SOX5: variants seen among roughly 807,000 people sequenced by gnomAD.
SOX5 encodes the protein SRY-box transcription factor 5, also known as transcription factor SOX-5.
Under a neutral mutation model 92.0 loss-of-function variants are expected in SOX5, and 9 were observed. The observed-to-expected ratio is 0.10, with a 90% CI of 0.06 to 0.17. SOX5 has a LOEUF of 0.17. Ranked by LOEUF, SOX5 falls within the 10% of genes least tolerant of loss-of-function variation. The probability of loss-of-function intolerance (pLI) is 1.00; values close to 1 mark genes in which losing one functional copy is unlikely to be tolerated. For missense variants in SOX5, 642 were observed against 944.5 expected (o/e 0.68, Z 4.20); for synonymous variants, 344 against 336.3 (o/e 1.02, Z -0.25).
chr12:23,712,690 A>G (rs1411637919), intron 6 of SOX5, among the ~76,000 whole-genome samples: 2 of 152,226 alleles, frequency 1.3e-5, no homozygotes, highest in Non-Finnish European at 2.9e-5. Context: ...GCTATAGACT[A>G]TATCATTCAA....
chr12:23,779,182 C>T (rs912403642), intron 3 of SOX5, among the ~76,000 whole-genome samples: 85 of 152,168 alleles, frequency 5.6e-4, no homozygotes, highest in African/African-American at 2.0e-3. Context: ...TTTAGCAATA[C>T]TCACCTAATG....
chr12:23,684,442 C>G (rs1042546682), intron 6 of SOX5, among the ~76,000 whole-genome samples: 4 of 152,006 alleles, frequency 2.6e-5, no homozygotes, highest in Admixed American at 2.0e-4. Context: ...TCTGCTGGAA[C>G]TTCCTAGTAT....
chr12:24,203,176 A>G (rs764531981), intron 4 of SOX5, among the ~76,000 whole-genome samples: 2 of 152,098 alleles, frequency 1.3e-5, no homozygotes, highest in African/African-American at 2.4e-5. Context: ...AGAATATCCT[A>G]TTACTTTCAT....
intron 4 of SOX5, among the ~76,000 whole-genome samples, chr12:24,051,457 G>A (rs2137128866): frequency 6.6e-6 from 1 of 152,160 alleles, no homozygotes; most frequent in African/African-American, 2.4e-5. Flanking sequence ...TCAAATATTA[G>A]CAAATAGACC....
rs1566333 is a variant in SOX5, at chr12:23,993,101, C to G, written c.-1-97077G>C. On this transcript the variant is annotated intron_variant, in intron 4 of 4. Coordinates refer to the SOX5 transcript ENST00000446891. ...GTACCAGATAGAAGCAGTGACTGAG[C>G]GTTTAATACTCTTAATTTGTTAAAA... Among the ~76,000 whole-genome samples the G allele has an allele frequency of 2.6e-5, 4 of 152,000 alleles. No individual in the cohort carries two copies. In the East Asian group the frequency reaches 7.7e-4, roughly 29 times the overall value.
chr12:24,129,854 C>T (rs572626179), intron 4 of SOX5, among the ~76,000 whole-genome samples: 2 of 152,294 alleles, frequency 1.3e-5, no homozygotes, highest in East Asian at 1.9e-4. Flanking sequence ...GAAAAGCCAA[C>T]GTTAGAGTTT....
chr12:23,930,883 C>T (rs1011564831), intron 1 of SOX5, among the ~76,000 whole-genome samples: 6 of 151,664 alleles, frequency 4.0e-5, no homozygotes, highest in African/African-American at 1.5e-4. Context: ...CTCACCTTCT[C>T]CTCAGAAAGA....
At chr12:24,538,993 T>C (rs1184587825) in intron 1 of SOX5, among the ~76,000 whole-genome samples, 1 of 152,128 alleles carries the variant, frequency 6.6e-6, no homozygotes, top group Non-Finnish European at 1.5e-5. Flanking sequence ...AAATATGACG[T>C]TTGTTGTCAA....
intron 3 of SOX5, among the ~76,000 whole-genome samples, chr12:23,789,023 A>G (rs1279304905): frequency 6.6e-6 from 1 of 152,008 alleles, no homozygotes; most frequent in Non-Finnish European, 1.5e-5. Flanking sequence ...CAGAGAGCAG[A>G]GCTGCCACAT....
At chr12:23,628,184 T>C (rs1330836210) in intron 8 of SOX5, among the ~76,000 whole-genome samples, 1 of 152,106 alleles carries the variant, frequency 6.6e-6, no homozygotes, top group African/African-American at 2.4e-5. Context: ...TCAAATATTT[T>C]AGTTATACTA....
intron 1 of SOX5, among the ~76,000 whole-genome samples, chr12:23,941,443 G>T (rs969726678): frequency 6.6e-6 from 1 of 151,350 alleles, no homozygotes; most frequent in Non-Finnish European, 1.5e-5. Flanking sequence ...AGAAATAATT[G>T]TACTATAAAT....
intron 2 of SOX5, among the ~76,000 whole-genome samples, chr12:24,285,987 G>A (rs1246407109): frequency 6.6e-5 from 10 of 152,010 alleles, no homozygotes; most frequent in Non-Finnish European, 1.5e-4. Context: ...GAATCTGTGA[G>A]GAAATTTTAA....
At chr12:24,242,480 G>C (rs1346719533) in intron 3 of SOX5, among the ~76,000 whole-genome samples, 1 of 152,072 alleles carries the variant, frequency 6.6e-6, no homozygotes, top group South Asian at 2.1e-4. Flanking sequence ...GAAAACACTG[G>C]AAGATAAGAA....
intron 2 of SOX5, among the ~76,000 whole-genome samples, chr12:23,892,546 A>G (rs2097139161): frequency 6.6e-6 from 1 of 152,328 alleles, no homozygotes; most frequent in South Asian, 2.1e-4. Context: ...AATCCAAGTC[A>G]TTTATCAGGA....
Position 23,866,547 on chromosome 12 carries a change from T to A in SOX5, c.271-20354A>T, listed in dbSNP as rs376315426. On this transcript the variant is annotated intron_variant, in intron 2 of 14. Coordinates refer to ENST00000451604, the MANE Select transcript of SOX5 (RefSeq NM_006940.6). ...TGTTAACACTTCATTTCTTGTCCAT[T>A]GCCATTTCATATCCAAAGCAATATT... 3.9e-5 allele frequency among the ~76,000 whole-genome samples: 6 copies of A among 152,302 alleles called. No homozygotes were observed. In the South Asian group the frequency reaches 6.2e-4, roughly 16 times the overall value.
At chr12:24,226,744 T>G (rs1299584417) in intron 3 of SOX5, among the ~76,000 whole-genome samples, 4 of 152,212 alleles carry the variant, frequency 2.6e-5, no homozygotes, top group Non-Finnish European at 5.9e-5. Context: ...GGGCTAGGAT[T>G]ACAGGCGTGA....
chr12:24,434,108 T>C (rs1938936286), intron 1 of SOX5, among the ~76,000 whole-genome samples: 1 of 152,076 alleles, frequency 6.6e-6, no homozygotes, highest in Non-Finnish European at 1.5e-5. Context: ...AACTCAGAGA[T>C]ACCAAGTCAG....
intron 1 of SOX5, among the ~76,000 whole-genome samples, chr12:24,462,297 C>G (rs920714917): frequency 3.3e-5 from 5 of 152,070 alleles, no homozygotes; most frequent in African/African-American, 9.7e-5. Context: ...AGAAAAGGTA[C>G]AGTAAAAATA....
intron 4 of SOX5, among the ~76,000 whole-genome samples, chr12:24,106,288 A>T (rs1380591647): frequency 6.6e-6 from 1 of 152,180 alleles, no homozygotes; most frequent in Non-Finnish European, 1.5e-5. Flanking sequence ...AATAAGGTTG[A>T]TTACAAACAA....
Sources: gnomAD v4.1 joint callset for allele counts (sites outside exome capture counted in the v4.1 genomes callset) on GRCh38, gnomAD v4.1.1 for gene constraint, MANE v1.5 for transcripts, NCBI Gene and HGNC (gene_info 2026-07-23, HGNC 2026-07-21) for gene names.